Variants in CSMD1 observed in about 807,000 individuals in gnomAD.
The protein encoded by CSMD1 is CUB and Sushi multiple domains 1.
Under a neutral mutation model 417.5 loss-of-function variants are expected in CSMD1, and 213 were observed. That is an observed-to-expected ratio of 0.51 (90% confidence interval 0.46 to 0.57). The LOEUF (loss-of-function observed/expected upper bound fraction) is 0.57, where lower values mean the gene tolerates loss of function less well. CSMD1 is among the 20% of genes least tolerant of loss of function. CSMD1 has a pLI of 0.00. For synonymous variants in CSMD1, 2,862 were observed against 1,736.8 expected (o/e 1.65, Z -16.11); for missense variants, 6,923 against 4,529.7 (o/e 1.53, Z -15.17).
chr8:3,485,342 T>A (rs7844421), intron 11 of CSMD1, among the ~76,000 whole-genome samples: 99,666 of 151,814 alleles, frequency 0.66, 33,242 homozygotes, highest in Middle Eastern at 0.77. Context: ...CAATGACAAA[T>A]TTTTAGAGCT....
intron 12 of CSMD1, among the ~76,000 whole-genome samples, chr8:3,411,362 C>T (rs77294025): frequency 0.097 from 14,268 of 147,410 alleles, 825 homozygotes; most frequent in East Asian, 0.26. Context: ...ACTTCCTTTC[C>T]TTTTCTTTAT....
At chr8:3,353,228 A>G (rs192149531) in intron 21 of CSMD1, among the ~76,000 whole-genome samples, 12 of 152,268 alleles carry the variant, frequency 7.9e-5, no homozygotes, top group Admixed American at 7.8e-4. Flanking sequence ...TCTGAATGGG[A>G]TGGGTTACTA....
In CSMD1 at chr8:3,385,880, T is replaced by C. The variant is rs538524283; in HGVS notation, c.2782+1614A>G. ...GGAAAATGCCAGGGCTGGGTATGCATAGTCCATGTTGCAGATTCACATATG... is the reference window on the plus strand; with the variant it reads ...GGAAAATGCCAGGGCTGGGTATGCACAGTCCATGTTGCAGATTCACATATG... On this transcript the variant is annotated intron_variant, in intron 18 of 69. Coordinates refer to ENST00000635120, the MANE Select transcript of CSMD1 (RefSeq NM_033225.6). 7.9e-5 allele frequency among the ~76,000 whole-genome samples: 12 copies of C among 152,086 alleles called. No homozygotes were observed. The East Asian group carries it at 1.4e-3, about 17-fold the overall frequency.
At chr8:3,042,978 G>A (rs927219911) in intron 50 of CSMD1, among the ~76,000 whole-genome samples, 9 of 151,134 alleles carry the variant, frequency 6.0e-5, no homozygotes, top group Non-Finnish European at 1.2e-4. Flanking sequence ...AGATTATATA[G>A]TACCATAGGT....
intron 5 of CSMD1, among the ~76,000 whole-genome samples, chr8:3,974,243 AT>A (rs1563272147): frequency 4.6e-5 from 7 of 151,812 alleles, no homozygotes; most frequent in African/African-American, 1.7e-4. Context: ...AAATAATATA[AT>A]TATCTTAAAT....
chr8:3,079,234 T>C (rs1448144960), intron 49 of CSMD1, among the ~76,000 whole-genome samples: 1 of 152,212 alleles, frequency 6.6e-6, no homozygotes, highest in African/African-American at 2.4e-5. Flanking sequence ...CAGTTTGAGC[T>C]ATATGGACTG....
At chr8:3,355,976 A>T (rs1808756213) in intron 21 of CSMD1, among the ~76,000 whole-genome samples, 1 of 152,216 alleles carries the variant, frequency 6.6e-6, no homozygotes, top group Non-Finnish European at 1.5e-5. Context: ...AGGTTGAAAA[A>T]AACCCTAAAA....
At chr8:3,815,629 T>C (rs1466489971) in intron 5 of CSMD1, among the ~76,000 whole-genome samples, 1 of 22,270 alleles carries the variant, frequency 4.5e-5, no homozygotes, top group African/African-American at 1.1e-4. Flanking sequence ...AGACTTTCTT[T>C]TTTTTTTTTT....
At chr8:3,639,010 G>T (rs369548692) in intron 7 of CSMD1, among the ~76,000 whole-genome samples, 71 of 152,326 alleles carry the variant, frequency 4.7e-4, no homozygotes, top group African/African-American at 1.6e-3. Context: ...CCCTGAAGTT[G>T]TGAGTGAATA....
intron 2 of CSMD1, among the ~76,000 whole-genome samples, chr8:4,608,094 CCAA>C (rs1372856972): frequency 2.0e-5 from 3 of 152,220 alleles, no homozygotes; most frequent in East Asian, 3.9e-4. Context: ...GTATTCGAAA[CCAA>C]CAACAAGGTG....
intron 1 of CSMD1, among the ~76,000 whole-genome samples, chr8:4,909,750 G>A (rs1008754655): frequency 6.6e-6 from 1 of 152,128 alleles, no homozygotes; most frequent in Non-Finnish European, 1.5e-5. Context: ...CCTGTATATA[G>A]CTCCTATAGT....
chr8:4,441,356 T>A (rs1263852853), intron 2 of CSMD1, among the ~76,000 whole-genome samples: 1 of 143,812 alleles, frequency 7.0e-6, no homozygotes, highest in Non-Finnish European at 1.5e-5. Flanking sequence ...CAAGCAATCC[T>A]CCTGTCTGAG....
At chr8:4,918,105 A>T (rs1362760228) in intron 1 of CSMD1, among the ~76,000 whole-genome samples, 1 of 152,042 alleles carries the variant, frequency 6.6e-6, no homozygotes, top group African/African-American at 2.4e-5. Flanking sequence ...AAAAGAAAAT[A>T]TGTATTCTAT....
At chr8:4,419,065 G>C (rs1206283170) in intron 3 of CSMD1, among the ~76,000 whole-genome samples, 1 of 152,068 alleles carries the variant, frequency 6.6e-6, no homozygotes, top group Non-Finnish European at 1.5e-5. Context: ...TACGATTTTT[G>C]CCTAAATGCA....
At chr8:4,296,648 G>A (rs577838797) in intron 3 of CSMD1, among the ~76,000 whole-genome samples, 22 of 147,018 alleles carry the variant, frequency 1.5e-4, no homozygotes, top group East Asian at 8.0e-4. Context: ...CTATTAACTC[G>A]TATGTGGAGG....
chr8:4,184,958 T>A (rs1584979568), intron 3 of CSMD1, among the ~76,000 whole-genome samples: 1 of 151,526 alleles, frequency 6.6e-6, no homozygotes, highest in East Asian at 2.0e-4. Flanking sequence ...CCCAATGTGG[T>A]GAAACCCCAT....
At chr8:4,893,273 T>A (rs1363342086) in intron 1 of CSMD1, among the ~76,000 whole-genome samples, 2 of 152,272 alleles carry the variant, frequency 1.3e-5, no homozygotes, top group Admixed American at 1.3e-4. Context: ...TTCTAACTGA[T>A]GTTTTTCTTG....
intron 4 of CSMD1, among the ~76,000 whole-genome samples, chr8:4,014,207 T>A (rs1796410727): frequency 6.6e-6 from 1 of 152,138 alleles, no homozygotes; most frequent in Non-Finnish European, 1.5e-5. Flanking sequence ...TAAACAACAT[T>A]CCTAGAAATC....
chr8:4,723,100 A>G (rs886456804), intron 1 of CSMD1, among the ~76,000 whole-genome samples: 4 of 152,172 alleles, frequency 2.6e-5, no homozygotes, highest in Non-Finnish European at 2.9e-5. Flanking sequence ...CTGGATACTT[A>G]TATATCTGAC....
Sources: allele counts gnomAD v4.1 joint callset (sites outside exome capture counted in the v4.1 genomes callset), GRCh38; gene constraint gnomAD v4.1.1; transcripts MANE v1.5; gene names NCBI Gene and HGNC (gene_info 2026-07-23, HGNC 2026-07-21).